TRPM3: variants seen among roughly 807,000 people sequenced by gnomAD.
TRPM3 encodes the protein transient receptor potential cation channel subfamily M member 3, also known as long transient receptor potential channel 3.
TRPM3 carries 77 observed loss-of-function variants against 181.2 expected under a neutral mutation model. That is an observed-to-expected ratio of 0.42 (90% CI 0.35 to 0.51). TRPM3 has a LOEUF of 0.51. TRPM3 is among the 20% of genes least tolerant of loss of function. The pLI is 0.01. For synonymous variants in TRPM3, 745 were observed against 796.4 expected (o/e 0.94, Z 1.09); for missense variants, 1,759 against 2,196.7 (o/e 0.80, Z 3.98).
chr9:71,281,747 A>T (rs1016062189), intron 1 of TRPM3, among the ~76,000 whole-genome samples: 2 of 152,226 alleles, frequency 1.3e-5, no homozygotes, highest in African/African-American at 4.8e-5. Context: ...AACATCCTCA[A>T]CAATGGTAAG....
chr9:71,044,002 CT>C (rs2059135559), intron 1 of TRPM3, among the ~76,000 whole-genome samples: 2 of 152,150 alleles, frequency 1.3e-5, no homozygotes, highest in African/African-American at 4.8e-5. Context: ...AACTGATTCT[CT>C]TTTTATCTCA....
At chr9:70,574,086 G>A (rs200442276) in intron 22 of TRPM3, among the ~76,000 whole-genome samples, 4 of 77,530 alleles carry the variant, frequency 5.2e-5, no homozygotes, top group South Asian at 4.7e-4. Context: ...ACACACACAC[G>A]CGCGCGCACA....
At chr9:71,079,603 A>C (rs1203980597) in intron 1 of TRPM3, among the ~76,000 whole-genome samples, 1 of 152,144 alleles carries the variant, frequency 6.6e-6, no homozygotes, top group Non-Finnish European at 1.5e-5. Flanking sequence ...ATAAGCTGGA[A>C]AGTAAATAGT....
intron 1 of TRPM3, among the ~76,000 whole-genome samples, chr9:70,882,297 T>C (rs1349255655): frequency 6.6e-6 from 1 of 152,150 alleles, no homozygotes; most frequent in East Asian, 1.9e-4. Flanking sequence ...GCCATATTTC[T>C]AGCAGAGTCA....
chr9:71,020,269 T>C (rs897435757), intron 1 of TRPM3, among the ~76,000 whole-genome samples: 2 of 151,846 alleles, frequency 1.3e-5, no homozygotes, highest in African/African-American at 4.8e-5. Context: ...AAGTTCAAGA[T>C]TAGCCTGGGC....
intron 1 of TRPM3, among the ~76,000 whole-genome samples, chr9:71,097,924 A>C (rs1369617051): frequency 6.6e-6 from 1 of 152,164 alleles, no homozygotes; most frequent in Non-Finnish European, 1.5e-5. Flanking sequence ...ATCTATGATT[A>C]AATCTGTCCA....
chr9:71,430,465 T>C (rs1319235088), intron 1 of TRPM3, among the ~76,000 whole-genome samples: 1 of 152,176 alleles, frequency 6.6e-6, no homozygotes, highest in Non-Finnish European at 1.5e-5. Context: ...TAAATATACT[T>C]GGCTTTAAAG....
At chr9:71,112,852 T>C (rs539065500) in intron 1 of TRPM3, among the ~76,000 whole-genome samples, 54 of 152,322 alleles carry the variant, frequency 3.5e-4, no homozygotes, top group African/African-American at 1.3e-3. Flanking sequence ...GAACTCATCC[T>C]ACTTACCTGC....
At chr9:71,114,645 G>C (rs1055242651) in intron 1 of TRPM3, among the ~76,000 whole-genome samples, 2 of 152,072 alleles carry the variant, frequency 1.3e-5, no homozygotes, top group South Asian at 4.1e-4. Context: ...TAGAATTATG[G>C]GCATCAGTTA....
At chr9:70,980,923 G>A (rs1249119372) in intron 1 of TRPM3, among the ~76,000 whole-genome samples, 1 of 152,112 alleles carries the variant, frequency 6.6e-6, no homozygotes, top group African/African-American at 2.4e-5. Context: ...GACCTGAAAA[G>A]TGTATTATAT....
chr9:71,161,856 A>C (rs2134709095), intron 1 of TRPM3, among the ~76,000 whole-genome samples: 1 of 152,298 alleles, frequency 6.6e-6, no homozygotes, highest in Admixed American at 6.5e-5. Flanking sequence ...TACTATATTC[A>C]TATTACTGAG....
At chr9:71,260,279 T>G (rs527922959) in intron 1 of TRPM3, among the ~76,000 whole-genome samples, 2 of 152,340 alleles carry the variant, frequency 1.3e-5, no homozygotes, top group Middle Eastern at 3.4e-3. Flanking sequence ...TTTTGGTTAC[T>G]GTAGTCTTGT....
intron 1 of TRPM3, among the ~76,000 whole-genome samples, chr9:71,327,464 A>C (rs1051726742): frequency 1.3e-5 from 2 of 152,118 alleles, no homozygotes; most frequent in African/African-American, 2.4e-5. Flanking sequence ...GAAGAATGTT[A>C]TATGCACTTA....
chr9:71,408,784 C>T (rs2093486211), intron 1 of TRPM3, among the ~76,000 whole-genome samples: 2 of 152,046 alleles, frequency 1.3e-5, no homozygotes, highest in African/African-American at 2.4e-5. Context: ...AGGAGAGCAA[C>T]CCCAAGACAT....
intron 1 of TRPM3, among the ~76,000 whole-genome samples, chr9:70,892,034 G>T (rs1356137280): frequency 3.3e-5 from 5 of 152,118 alleles, no homozygotes; most frequent in African/African-American, 1.2e-4. Context: ...TGAATACCTG[G>T]ATAATAACTA....
At chr9:70,912,725 A>G (rs2096550656) in intron 1 of TRPM3, among the ~76,000 whole-genome samples, 1 of 152,162 alleles carries the variant, frequency 6.6e-6, no homozygotes, top group African/African-American at 2.4e-5. Flanking sequence ...ACATGATGAG[A>G]AGAGAAGCAA....
intron 1 of TRPM3, among the ~76,000 whole-genome samples, chr9:71,017,942 C>A (rs534527891): frequency 1.3e-5 from 2 of 151,710 alleles, no homozygotes; most frequent in African/African-American, 4.8e-5. Flanking sequence ...ATGAAACAAA[C>A]CTAAATAAAA....
At chr9:71,148,155 C>G in intron 1 of TRPM3, among the ~76,000 whole-genome samples, 1 of 151,826 alleles carries the variant, frequency 6.6e-6, no homozygotes. Context: ...GTTCTCCTAC[C>G]TGAGCAAAAC....
At chr9:70,663,874 T>C (rs1030444163) in intron 9 of TRPM3, among the ~76,000 whole-genome samples, 60 of 152,288 alleles carry the variant, frequency 3.9e-4, no homozygotes, top group African/African-American at 1.4e-3. Flanking sequence ...GACACCTTCT[T>C]TGGGTGAAAG....
Sources: allele counts gnomAD v4.1 joint callset (sites outside exome capture counted in the v4.1 genomes callset), GRCh38; gene constraint gnomAD v4.1.1; transcripts MANE v1.5; gene names NCBI Gene and HGNC (gene_info 2026-07-23, HGNC 2026-07-21).